Variants in NBPF11 observed in about 807,000 individuals in gnomAD.
The protein encoded by NBPF11 is NBPF member 11.
Under a neutral mutation model 93.9 loss-of-function variants are expected in NBPF11, and 72 were observed. That is an observed-to-expected ratio of 0.77 (90% confidence interval 0.63 to 0.93). The LOEUF (loss-of-function observed/expected upper bound fraction) is 0.93, where lower values mean the gene tolerates loss of function less well. Among genes scored for constraint, NBPF11 ranks in the 40% least tolerant of loss-of-function variants. The pLI is 0.00. For synonymous variants in NBPF11, 224 were observed against 304.9 expected, an observed-to-expected ratio of 0.73 and a Z score of 2.76; for missense variants, 705 against 802.2, an observed-to-expected ratio of 0.88 and a Z score of 1.46.
chr1:148,146,609 A>T, intron 1 of NBPF11: 15 of 1,610,466 alleles, frequency 9.3e-6, no homozygotes, highest in Non-Finnish European at 1.3e-5. Flanking sequence ...CACCTGACGG[A>T]GCGTGCCGAC....
At chr1:148,147,622 C>T in intron 1 of NBPF11, among the ~76,000 whole-genome samples, 1 of 152,106 alleles carries the variant, frequency 6.6e-6, no homozygotes, top group Non-Finnish European at 1.5e-5. Context: ...CCCTGCCCAG[C>T]CCACTGGTCT....
chr1:148,129,093 TATATATATATA>T (rs1169569372), intron 4 of NBPF11, among the ~76,000 whole-genome samples: 3 of 138,690 alleles, frequency 2.2e-5, no homozygotes, highest in African/African-American at 8.4e-5. Context: ...CACACGTGTA[TATATATATATA>T]ATATATATAC....
chr1:148,148,781 G>A (rs1647413142), intron 1 of NBPF11, among the ~76,000 whole-genome samples: 1 of 152,006 alleles, frequency 6.6e-6, no homozygotes, highest in Non-Finnish European at 1.5e-5. Flanking sequence ...GGGCAGGAAG[G>A]TATGAAGCAT....
chr1:148,105,857 G>A (rs1382882669), intron 21 of NBPF11, among the ~76,000 whole-genome samples: 2 of 139,614 alleles, frequency 1.4e-5, no homozygotes, highest in South Asian at 2.5e-4. Context: ...CTGAGTTAGT[G>A]CCCTCAGGAC....
intron 19 of NBPF11, among the ~76,000 whole-genome samples, 195 bp downstream of exon 19, chr1:148,107,516 A>G (rs1325141290): frequency 1.3e-5 from 2 of 152,258 alleles, no homozygotes; most frequent in African/African-American, 2.4e-5. Flanking sequence ...GTCAACCTAT[A>G]GTAAGTTAGT....
intron 2 of NBPF11, among the ~76,000 whole-genome samples, chr1:148,142,650 C>A (rs1343037839): frequency 1.3e-5 from 2 of 152,084 alleles, no homozygotes; most frequent in Non-Finnish European, 2.9e-5. Context: ...TTCTTTCTCC[C>A]CCTCTCAATG....
rs1664645484 is a variant in NBPF11, at chr1:148,109,212, T to C, written c.1853+72A>G. ...AGACAAAATCATGATTTTCAGCGTG[T>C]ACTGTTTTCCCTGGACTTGGCATCT... On this transcript the variant is annotated intron_variant, in intron 17 of 23. Transcript: ENST00000682118. 1.1e-4 allele frequency: 105 copies of C among 974,516 alleles called. 1 individual carries two copies. In the South Asian group the frequency reaches 1.3e-3, roughly 12 times the overall value. The allele number at this position is 974,516 out of a possible 1,614,324, so 60.4% of individuals were successfully genotyped here. A position where few individuals can be genotyped will look rare whatever the true frequency, so the allele number is the denominator to read the frequency against.
chr1:148,146,833 T>C, intron 1 of NBPF11: 1 of 1,613,748 alleles, frequency 6.2e-7, no homozygotes, highest in South Asian at 1.1e-5. Flanking sequence ...CACCTACGAC[T>C]CCTCCGGCTA....
In NBPF11 at chr1:148,108,436, C is replaced by G. The variant is rs781936498; in HGVS notation, c.2026+46G>C. 6.1e-6 allele frequency: 8 copies of G among 1,307,376 alleles called. No individual in the cohort carries two copies. The East Asian group carries it at 9.7e-5, about 16-fold the overall frequency. 81.0% of individuals were successfully genotyped at this position (1,307,376 alleles called of 1,614,324 possible). The stretch of plus-strand genomic sequence containing the variant: ...CTTGCAGTAGGAATATGACCCTAAA[C>G]AGAAGACTCAGTGGATCCTTATCAC... On this transcript the variant is annotated intron_variant, in intron 18 of 23. Transcript: ENST00000682118.
At chr1:148,105,217 G>A (rs1292460476) in intron 22 of NBPF11, 143 bp downstream of exon 22, 7 of 591,072 alleles carry the variant, frequency 1.2e-5, no homozygotes, top group Non-Finnish European at 2.1e-5. Context: ...TAGAACTAGA[G>A]TTTCATTCAA....
chr1:148,143,354 A>G (rs1490952487), intron 2 of NBPF11, 61 bp downstream of exon 2: 7 of 722,086 alleles, frequency 9.7e-6, no homozygotes, highest in Non-Finnish European at 9.0e-6. Flanking sequence ...TTCACATCTG[A>G]GTCATAATAG....
intron 7 of NBPF11, 23 bp from the exon 8 acceptor site, chr1:148,122,824 C>T (rs1184572630): frequency 1.9e-6 from 3 of 1,609,330 alleles, no homozygotes; most frequent in Non-Finnish European, 2.5e-6. Flanking sequence ...AATGTTCGTT[C>T]AGATATTTCC....
rs1664386575 is a variant in NBPF11, at chr1:148,108,583, G to T, written c.1925C>A (p.Thr642Asn). 5 of 1,582,168 alleles carry T rather than the reference G, an allele frequency of 3.2e-6. No homozygotes were observed. In the East Asian group the frequency reaches 9.0e-5, roughly 28 times the overall value. Residue 642 changes from threonine (T) to asparagine (N), a missense_variant, in exon 18 of 24, where the codon ACT (threonine) becomes AAT (asparagine). Physicochemically the swap from Thr to Asn is moderately conservative, Grantham distance 65 (BLOSUM62 0). Coordinates refer to ENST00000682118, the MANE Select transcript of NBPF11 (RefSeq NM_001385469.3). Reference sequence around the variant, plus strand: ...AGTCAGTCCAAGATAAACTGAAGGAGTTGAATAACATCTATCCAGTGAGTC... The same window carrying T: ...AGTCAGTCCAAGATAAACTGAAGGATTTGAATAACATCTATCCAGTGAGTC... The part of the protein sequence containing the change: ...LQDSLDRCYS[T>N]PSVYLGLTDS...
Position 148,105,661 on chromosome 1 carries a change from T to C in NBPF11, c.2304-133A>G. On this transcript the variant is annotated intron_variant, in intron 21 of 23. Coordinates refer to ENST00000682118, the MANE Select transcript of NBPF11 (RefSeq NM_001385469.3). Reference sequence around the variant, plus strand: ...ATAGATCTATTAATGAGGTAACAAATTATTGCCTTCATGTTGGGACAGAAC... The same window carrying C: ...ATAGATCTATTAATGAGGTAACAAACTATTGCCTTCATGTTGGGACAGAAC... 10 of 633,100 alleles carry C rather than the reference T, an allele frequency of 1.6e-5. 1 individual carries two copies. The South Asian group carries it at 1.7e-4, about 11-fold the overall frequency. 39.2% of individuals were successfully genotyped at this position (633,100 alleles called of 1,614,324 possible). A position where few individuals can be genotyped will look rare whatever the true frequency, so the allele number is the denominator to read the frequency against.
chr1:148,108,005 G>A (rs1426012439), intron 18 of NBPF11, among the ~76,000 whole-genome samples: 1 of 150,826 alleles, frequency 6.6e-6, no homozygotes, highest in Non-Finnish European at 1.5e-5. Context: ...TTTGTCCCAA[G>A]TTTGTGCAAA....
intron 10 of NBPF11, among the ~76,000 whole-genome samples, chr1:148,119,338 G>A (rs1186583702): frequency 6.6e-6 from 1 of 151,070 alleles, no homozygotes; most frequent in East Asian, 1.9e-4. Flanking sequence ...AGAACTAATA[G>A]ATAGTGTTTA....
intron 1 of NBPF11, among the ~76,000 whole-genome samples, chr1:148,144,350 CTA>C (rs1672654625): frequency 6.7e-6 from 1 of 150,312 alleles, no homozygotes; most frequent in Non-Finnish European, 1.5e-5. Flanking sequence ...GGCAGCTTGA[CTA>C]TGATTCTGCT....
Position 148,122,779 on chromosome 1 carries a change from T to C in NBPF11, c.516A>G (p.Glu172=). The part of the protein sequence containing the change: ...LSPENDEDED[E]DVQVEEDEKV... Reference sequence around the variant, plus strand: ...TCTCATCCTCCTCAACTTGAACATCTTCATCCTCATCTTCGTCATTTTCTA... The same window carrying C: ...TCTCATCCTCCTCAACTTGAACATCCTCATCCTCATCTTCGTCATTTTCTA... The change falls in exon 8 of 24, where the codon GAA becomes GAG. Residue 172 remains glutamate (E), a synonymous_variant. Transcript: ENST00000682118. 1.9e-6 allele frequency: 3 copies of C among 1,610,086 alleles called. No individual in the cohort carries two copies. Among genetic ancestry groups the C allele is most frequent in the Non-Finnish European group, 2.5e-6 (3 of 1,177,764 alleles).
chr1:148,140,055 T>C (rs1671927743), intron 2 of NBPF11, among the ~76,000 whole-genome samples: 2 of 151,810 alleles, frequency 1.3e-5, no homozygotes, highest in Non-Finnish European at 2.9e-5. Context: ...ACCCAAATAG[T>C]GTGAAGTTGG....
Sources: allele counts gnomAD v4.1 joint callset (sites outside exome capture counted in the v4.1 genomes callset), GRCh38; gene constraint gnomAD v4.1.1; transcripts MANE v1.5; gene names NCBI Gene and HGNC (gene_info 2026-07-23, HGNC 2026-07-21).